The following IGF1R variants were observed in gnomAD, a reference collection of about 807,000 sequenced individuals.
IGF1R encodes insulin like growth factor 1 receptor.
Under a neutral mutation model 144.6 loss-of-function variants are expected in IGF1R, and 44 were observed. That is an observed-to-expected ratio of 0.30 (90% CI 0.24 to 0.39). The LOEUF is 0.39. Ranked by LOEUF, IGF1R falls within the 10% of genes least tolerant of loss-of-function variation. The pLI is 1.00. For missense variants in IGF1R, 1,355 were observed against 1,833.7 expected, an observed-to-expected ratio of 0.74 and a Z score of 4.77; for synonymous variants, 795 against 722.8, an observed-to-expected ratio of 1.10 and a Z score of -1.60.
At chr15:98,884,033 T>C (rs2013514401) in intron 2 of IGF1R, among the ~76,000 whole-genome samples, 1 of 152,154 alleles carries the variant, frequency 6.6e-6, no homozygotes, top group African/African-American at 2.4e-5. Context: ...GGGTGAAACA[T>C]GGGTCTGGGA....
rs933254935 is a variant in IGF1R, at chr15:98,964,412, G to A, written c.*6970G>A. 30 of 229,308 alleles carry A rather than the reference G, an allele frequency of 1.3e-4. No homozygotes were observed. Among genetic ancestry groups the A allele is most frequent in the African/African-American group, 6.4e-4 (29 of 45,076 alleles). 14.2% of individuals were successfully genotyped at this position (229,308 alleles called of 1,614,324 possible). A position where few individuals can be genotyped will look rare whatever the true frequency, so the allele number is the denominator to read the frequency against. On this transcript the variant is annotated 3_prime_UTR_variant, in exon 21 of 21. Coordinates refer to ENST00000650285, the MANE Select transcript of IGF1R (RefSeq NM_000875.5). Reference sequence around the variant, plus strand: ...TATACTCTGGATTCTTTACATAATGGAAAAAAGAAACTGTCTATTTTGAAT... The same window carrying A: ...TATACTCTGGATTCTTTACATAATGAAAAAAAGAAACTGTCTATTTTGAAT...
At position 98,957,501 on chromosome 15, in the gene IGF1R, G is replaced by T. The variant is rs138593519; in HGVS notation, c.*59G>T. 3.8e-4 allele frequency: 603 copies of T among 1,606,598 alleles called. 2 individuals are homozygous for T. In the African/African-American group the frequency reaches 7.3e-3, roughly 19 times the overall value. On this transcript the variant is annotated 3_prime_UTR_variant, in exon 21 of 21. Transcript: ENST00000650285. ...TGTGCGCACGCGCAGCGGGGTGGGG[G>T]GGGAGAGAGAGTTTTAACAATCCAT...
intron 1 of IGF1R, among the ~76,000 whole-genome samples, chr15:98,668,619 C>T (rs2052803900): frequency 6.6e-6 from 1 of 152,142 alleles, no homozygotes; most frequent in Admixed American, 6.5e-5. Context: ...CATTTTAGGA[C>T]AGATAAGTTG....
At chr15:98,885,228 A>C (rs984328534) in intron 2 of IGF1R, among the ~76,000 whole-genome samples, 4 of 152,148 alleles carry the variant, frequency 2.6e-5, no homozygotes, top group Non-Finnish European at 4.4e-5. Flanking sequence ...TATAGGGTGT[A>C]ACCTACCTGA....
At chr15:98,952,661 T>C (rs2016824822) in intron 20 of IGF1R, 1 of 152,198 alleles carries the variant, frequency 6.6e-6, no homozygotes, top group African/African-American at 2.4e-5. Context: ...GTGGGATTCT[T>C]ACTTGGTCCA....
At chr15:98,711,349 T>C (rs1567089085) in intron 2 of IGF1R, among the ~76,000 whole-genome samples, 1 of 152,238 alleles carries the variant, frequency 6.6e-6, no homozygotes, top group East Asian at 1.9e-4. Context: ...GTGAAATCGT[T>C]GAGCCTACTC....
At chr15:98,668,966 G>A (rs1454930238) in intron 1 of IGF1R, among the ~76,000 whole-genome samples, 1 of 152,186 alleles carries the variant, frequency 6.6e-6, no homozygotes, top group Non-Finnish European at 1.5e-5. Context: ...TTGTTTATGA[G>A]CATTAACTGT....
chr15:98,722,377 T>C (rs968739507), intron 2 of IGF1R, among the ~76,000 whole-genome samples: 1 of 152,176 alleles, frequency 6.6e-6, no homozygotes, highest in African/African-American at 2.4e-5. Flanking sequence ...ATGTCCACAC[T>C]TGCTCAGTAC....
At chr15:98,690,955 C>A (rs1384460462) in intron 1 of IGF1R, among the ~76,000 whole-genome samples, 1 of 152,210 alleles carries the variant, frequency 6.6e-6, no homozygotes, top group African/African-American at 2.4e-5. Context: ...CTCACTGTTT[C>A]TTTAAATAAA....
intron 1 of IGF1R, among the ~76,000 whole-genome samples, chr15:98,698,824 C>T (rs2053658242): frequency 6.6e-6 from 1 of 152,244 alleles, no homozygotes; most frequent in South Asian, 2.1e-4. Context: ...AAGAATCACA[C>T]TGCAGGGTAG....
chr15:98,772,447 G>A (rs2055608216), intron 2 of IGF1R, among the ~76,000 whole-genome samples: 1 of 149,252 alleles, frequency 6.7e-6, no homozygotes. Flanking sequence ...TAAACATGAA[G>A]GAAGACTTCA....
chr15:98,685,886 G>A (rs1173672404), intron 1 of IGF1R, among the ~76,000 whole-genome samples: 1 of 152,222 alleles, frequency 6.6e-6, no homozygotes, highest in African/African-American at 2.4e-5. Context: ...GTGTCAGACA[G>A]CAGCTATTGA....
intron 1 of IGF1R, among the ~76,000 whole-genome samples, chr15:98,671,463 C>A (rs1277841589): frequency 2.0e-5 from 3 of 152,190 alleles, no homozygotes; most frequent in African/African-American, 7.2e-5. Context: ...CATGTCCCAA[C>A]TGAGCTTGTA....
chr15:98,858,209 A>G (rs1043074271), intron 2 of IGF1R, among the ~76,000 whole-genome samples: 8 of 152,230 alleles, frequency 5.3e-5, no homozygotes, highest in Admixed American at 3.9e-4. Flanking sequence ...CTAAAACAAA[A>G]TTGAAACACT....
intron 7 of IGF1R, among the ~76,000 whole-genome samples, 191 bp from the exon 8 acceptor site, chr15:98,912,853 A>G (rs1347865090): frequency 6.6e-6 from 1 of 152,228 alleles, no homozygotes; most frequent in African/African-American, 2.4e-5. Context: ...AGACCATTCA[A>G]TTCTGTAATG....
At chr15:98,780,430 TC>T (rs986518874) in intron 2 of IGF1R, among the ~76,000 whole-genome samples, 2 of 151,298 alleles carry the variant, frequency 1.3e-5, no homozygotes, top group African/African-American at 4.9e-5. Flanking sequence ...ATGCCTGTAA[TC>T]CCAGCTACTC....
chr15:98,814,903 A>T (rs1440647766), intron 2 of IGF1R, among the ~76,000 whole-genome samples: 1 of 152,224 alleles, frequency 6.6e-6, no homozygotes, highest in Non-Finnish European at 1.5e-5. Flanking sequence ...GTGGGGGAAA[A>T]TCAAACTTAC....
chr15:98,870,227 A>G (rs1174587255), intron 2 of IGF1R, among the ~76,000 whole-genome samples: 1 of 152,226 alleles, frequency 6.6e-6, no homozygotes, highest in Non-Finnish European at 1.5e-5. Flanking sequence ...ATCTCGCACA[A>G]CTGAAGTTGT....
chr15:98,958,457 C>T lies in IGF1R; in HGVS notation c.*1015C>T, dbSNP rs527317156. 114 of 228,050 alleles carry T rather than the reference C, an allele frequency of 5.0e-4. No homozygotes were observed. The highest frequency in any genetic ancestry group is 8.2e-4 in the Non-Finnish European group (94 of 114,666). The allele number at this position is 228,050 out of a possible 1,614,324, so 14.1% of individuals were successfully genotyped here. On this transcript the variant is annotated 3_prime_UTR_variant, in exon 21 of 21. Coordinates refer to ENST00000650285, the MANE Select transcript of IGF1R (RefSeq NM_000875.5). ...ACAGATGGGAAGGGGTTTCCAGGGA[C>T]TCAGCCCCACTGTTGATGCAGGTTT...
Sources: allele counts gnomAD v4.1 joint callset (sites outside exome capture counted in the v4.1 genomes callset), GRCh38; gene constraint gnomAD v4.1.1; transcripts MANE v1.5; gene names NCBI Gene and HGNC (gene_info 2026-07-23, HGNC 2026-07-21).